GNE: variants seen among roughly 807,000 people sequenced by gnomAD.
The protein encoded by GNE is bifunctional UDP-N-acetylglucosamine 2-epimerase/N-acetylmannosamine kinase.
In GNE, 41 loss-of-function variants were observed where a neutral mutation model predicts 61.8. The ratio of observed to expected loss-of-function variants is 0.66; its 90% CI spans 0.52 to 0.86. GNE has a LOEUF of 0.86. GNE is among the 40% of genes least tolerant of loss of function. The pLI, the probability that GNE is intolerant of heterozygous loss-of-function variation, is 0.00. For synonymous variants in GNE, 264 were observed against 326.4 expected, an observed-to-expected ratio of 0.81 and a Z score of 2.06; for missense variants, 608 against 909.1, an observed-to-expected ratio of 0.67 and a Z score of 4.26.
chr9:36,246,123 T>C lies in GNE; in HGVS notation c.524A>G (p.His175Arg). ...EQHLISMCED[H>R]DRILLAGCPS... ...GCAGCCTGCCAAAAGGATGCGATCATGGTCCTCACACATGGATATCAGGTG... is the reference window on the plus strand; with the variant it reads ...GCAGCCTGCCAAAAGGATGCGATCACGGTCCTCACACATGGATATCAGGTG... The change falls in exon 3 of 12, where the codon CAT (histidine) becomes CGT (arginine). Residue 175 changes from histidine to arginine, a missense_variant. By Grantham distance (29) the His-to-Arg change is conservative (BLOSUM62 0). Transcript: ENST00000642385. 1 of 1,614,224 alleles carries C rather than the reference T, an allele frequency of 6.2e-7. No homozygotes were observed. Among genetic ancestry groups the C allele is most frequent in the East Asian group, 2.2e-5 (1 of 44,890 alleles).
chr9:36,268,151 A>G (rs1036563794), intron 1 of GNE, among the ~76,000 whole-genome samples: 1 of 152,100 alleles, frequency 6.6e-6, no homozygotes, highest in African/African-American at 2.4e-5. Context: ...AAAAAAAAGT[A>G]TCATATTGTA....
chr9:36,269,664 C>CTTTTTTTTTTTT (rs71336438), intron 1 of GNE, among the ~76,000 whole-genome samples: 3 of 134,320 alleles, frequency 2.2e-5, no homozygotes, highest in Admixed American at 8.1e-5. Context: ...TTTCTTCTTT[C>CTTTTTTTTTTTT]TTTTTTTTTT....
rs1314212130 is a variant in GNE, at chr9:36,272,915, T to TAAAA, written c.51+3978_51+3979insTTTT. ...GTGGTGAAACCTCATCTAGTAAAAA[T>TAAAA]ACAAAAAAAAAAAAAAAAAAAAAGC... On this transcript the variant is annotated intron_variant, in intron 1 of 11. Coordinates refer to the GNE transcript ENST00000396594. 5.8e-4 allele frequency among the ~76,000 whole-genome samples: 8 copies of TAAAA among 13,848 alleles called. 1 individual carries two copies. Among genetic ancestry groups the TAAAA allele is most frequent in the Non-Finnish European group, 8.3e-4 (5 of 6,032 alleles). 9.1% of individuals were successfully genotyped at this position (13,848 alleles called of 152,430 possible). A position where few individuals can be genotyped will look rare whatever the true frequency, so the allele number is the denominator to read the frequency against.
At chr9:36,258,655 G>C (rs1330118301), upstream of GNE, among the ~76,000 whole-genome samples, 1 of 152,244 alleles carries the variant, frequency 6.6e-6, no homozygotes, top group Non-Finnish European at 1.5e-5. Flanking sequence ...TGCCGCGCTG[G>C]AGCTGCTGCG....
chr9:36,222,537 A>C (rs1257215840), intron 9 of GNE, among the ~76,000 whole-genome samples: 1 of 152,242 alleles, frequency 6.6e-6, no homozygotes, highest in Non-Finnish European at 1.5e-5. Context: ...AAAGCTGGGA[A>C]ATGAGAAGCT....
chr9:36,267,611 G>A (rs867126338), intron 1 of GNE, among the ~76,000 whole-genome samples: 2 of 152,046 alleles, frequency 1.3e-5, no homozygotes, highest in South Asian at 2.1e-4. Flanking sequence ...CATGAGAATC[G>A]CTTGAATGCA....
At chr9:36,222,018 T>C (rs1212766093) in intron 9 of GNE, among the ~76,000 whole-genome samples, 2 of 152,176 alleles carry the variant, frequency 1.3e-5, no homozygotes, top group African/African-American at 4.8e-5. Flanking sequence ...GTTGTTTGTT[T>C]TGACCTGCCT....
In GNE at chr9:36,237,402, C is replaced by T. The variant is rs1363662029; in HGVS notation, c.617-418G>A. Among the ~76,000 whole-genome samples, 3 of 152,142 alleles carry T rather than the reference C, an allele frequency of 2.0e-5. No individual in the cohort carries two copies. In the East Asian group the frequency reaches 5.8e-4, roughly 29 times the overall value. ...GGCTGAACAAGCATTAAACATATTT[C>T]CTAGAATGCACAGGAGCTTTCCTGT... On this transcript the variant is annotated intron_variant, in intron 3 of 11. Transcript: ENST00000642385.
At chr9:36,269,664 CTTTTTTT>C (rs71336438) in intron 1 of GNE, among the ~76,000 whole-genome samples, 1 of 134,320 alleles carries the variant, frequency 7.4e-6, no homozygotes, top group African/African-American at 2.8e-5. Flanking sequence ...TTTCTTCTTT[CTTTTTTT>C]TTTTTTTTGA....
chr9:36,260,194 T>A (rs1830558460), upstream of GNE, among the ~76,000 whole-genome samples: 1 of 150,296 alleles, frequency 6.7e-6, no homozygotes, highest in South Asian at 2.1e-4. Flanking sequence ...GGTGGGAGGA[T>A]CGCTTGTGCT....
At chr9:36,276,958 C>A in exon 1 of GNE, 1 of 1,613,290 alleles carries the variant, frequency 6.2e-7, no homozygotes, top group Non-Finnish European at 8.5e-7. Flanking sequence ...GAAGCACGAG[C>A]TCTGTACCCT....
chr9:36,218,765 T>G lies in GNE; in HGVS notation c.1817-466A>C, dbSNP rs1828450749. On this transcript the variant is annotated intron_variant, in intron 10 of 11. Transcript: ENST00000642385. This position sits in a 1 kb window ranked among gnomAD's most constrained non-coding sequence, Gnocchi z 4.1. ...CAGTGCCAGCTCTGCCACTCCCAGC[T>G]GCATGACCCCATGCCTGTCACCTCA... Among the ~76,000 whole-genome samples the G allele has an allele frequency of 6.6e-6, 1 of 152,212 alleles. No individual in the cohort carries two copies. The highest frequency in any genetic ancestry group is 6.5e-5 in the Admixed American group (1 of 15,276).
chr9:36,249,661 G>A (rs954458712), intron 1 of GNE, among the ~76,000 whole-genome samples: 8 of 152,074 alleles, frequency 5.3e-5, no homozygotes, highest in Non-Finnish European at 8.8e-5. Flanking sequence ...GGCAGATCAC[G>A]AGGTCAGGAG....
chr9:36,265,801 C>A (rs4879969), intron 1 of GNE, among the ~76,000 whole-genome samples: 116,249 of 152,154 alleles, frequency 0.76, 44,905 homozygotes, highest in Non-Finnish European at 0.8. Flanking sequence ...TAGCATGCGC[C>A]GTTCACAATA....
chr9:36,218,060 C>T lies in GNE; in HGVS notation c.1933+123G>A. On this transcript the variant is annotated intron_variant, in intron 11 of 11. Coordinates refer to ENST00000642385, the MANE Select transcript of GNE (RefSeq NM_005476.7). The surrounding 1 kb of genome is among the most constrained non-coding windows in gnomAD (Gnocchi z 4.1). ...ACCTCTGAGTAATTAGGAAAGAAAC[C>T]TCTGAACAGACACTGCAAAGCACCT... The T allele has an allele frequency of 1.3e-6, 1 of 784,984 alleles. No homozygotes were observed. The highest frequency in any genetic ancestry group is 1.4e-5 in the South Asian group (1 of 73,994). The allele number at this position is 784,984 out of a possible 1,614,324, so 48.6% of individuals were successfully genotyped here.
intron 10 of GNE, 110 bp downstream of exon 10, chr9:36,219,728 G>T (rs1828497822): frequency 2.0e-6 from 2 of 994,508 alleles, no homozygotes; most frequent in Non-Finnish European, 3.2e-6. Flanking sequence ...TCCCTAAGAA[G>T]TGAAAAGGGG....
intron 1 of GNE, chr9:36,265,409 G>A (rs1830741959): frequency 2.2e-6 from 1 of 456,534 alleles, no homozygotes; most frequent in South Asian, 1.5e-5. Context: ...TGTCTGCCAT[G>A]TTGTTTTCTA....
chr9:36,252,316 T>C lies in GNE; in HGVS notation c.-42-2919A>G, dbSNP rs114494910. On this transcript the variant is annotated intron_variant, in intron 1 of 11. Coordinates refer to ENST00000642385, the MANE Select transcript of GNE (RefSeq NM_005476.7). ...TCTAATCTTTAAAGAGACAAAAATA[T>C]TCTTCCAAAAATGGTTGTCGTAAGT... 2.6e-3 allele frequency among the ~76,000 whole-genome samples: 400 copies of C among 152,336 alleles called. 1 individual carries two copies. Among genetic ancestry groups the C allele is most frequent in the African/African-American group, 9.0e-3 (375 of 41,582 alleles).
At chr9:36,276,774 TG>T in intron 1 of GNE, 1 of 766,230 alleles carries the variant, frequency 1.3e-6, no homozygotes, top group Non-Finnish European at 2.1e-6. Context: ...TTAAAAATGA[TG>T]GATTTGATAG....
Sources: gnomAD v4.1 joint callset for allele counts (sites outside exome capture counted in the v4.1 genomes callset) on GRCh38, gnomAD v4.1.1 for gene constraint, Gnocchi (gnomAD v3.1) non-coding constraint, MANE v1.5 for transcripts, NCBI Gene and HGNC (gene_info 2026-07-23, HGNC 2026-07-21) for gene names.